PLCG2: variants seen among roughly 807,000 people sequenced by gnomAD.
The protein encoded by PLCG2 is 1-phosphatidylinositol 4,5-bisphosphate phosphodiesterase gamma-2.
PLCG2 carries 69 observed loss-of-function variants against 175.6 expected under a neutral mutation model. The observed-to-expected ratio is 0.39, with a 90% CI of 0.32 to 0.48. The LOEUF (loss-of-function observed/expected upper bound fraction) is 0.48, where lower values mean the gene tolerates loss of function less well. PLCG2 is among the 20% of genes least tolerant of loss of function. The probability of loss-of-function intolerance (pLI) is 0.91; values close to 1 mark genes in which losing one functional copy is unlikely to be tolerated. For synonymous variants in PLCG2, 827 were observed against 624.0 expected (o/e 1.33, Z -4.85); for missense variants, 1,798 against 1,650.9 (o/e 1.09, Z -1.54).
intron 2 of PLCG2, among the ~76,000 whole-genome samples, chr16:81,770,695 G>A (rs564594943): frequency 6.6e-6 from 1 of 152,036 alleles, no homozygotes; most frequent in Non-Finnish European, 1.5e-5. Flanking sequence ...CCTCCTGCTT[G>A]GGCTACAGAG....
chr16:81,874,717 C>T (rs74029289), intron 7 of PLCG2, among the ~76,000 whole-genome samples: 31,050 of 152,122 alleles, frequency 0.2, 3,761 homozygotes, highest in Non-Finnish European at 0.27. Context: ...TGGTTTCCAT[C>T]GTGAGCTTGC....
At chr16:81,762,033 A>T (rs1184777123) in intron 2 of PLCG2, among the ~76,000 whole-genome samples, 1 of 151,562 alleles carries the variant, frequency 6.6e-6, no homozygotes, top group Non-Finnish European at 1.5e-5. Flanking sequence ...GGGTTTCCCT[A>T]TGTGGTGGCT....
At chr16:81,778,855 C>T (rs1263539089), upstream of PLCG2, among the ~76,000 whole-genome samples, 1 of 152,198 alleles carries the variant, frequency 6.6e-6, no homozygotes, top group Non-Finnish European at 1.5e-5. Context: ...CTCTCGGCCA[C>T]ACCCATCCTA....
intron 27 of PLCG2, chr16:81,937,510 C>G (rs1664820748): frequency 2.6e-6 from 1 of 388,052 alleles, no homozygotes; most frequent in Admixed American, 4.2e-5. Flanking sequence ...TACATAGACA[C>G]TTTTAGCAAG....
intron 1 of PLCG2, among the ~76,000 whole-genome samples, chr16:81,743,167 A>G (rs1909631579): frequency 6.6e-6 from 1 of 152,058 alleles, no homozygotes; most frequent in Non-Finnish European, 1.5e-5. Context: ...AAAGGAAAGG[A>G]AAGAAGGAAG....
chr16:81,856,516 C>A (rs1052351800), intron 3 of PLCG2, among the ~76,000 whole-genome samples: 1 of 152,212 alleles, frequency 6.6e-6, no homozygotes, highest in Admixed American at 6.5e-5. Flanking sequence ...GCAAGCTCTA[C>A]TTGCTGTCCC....
At chr16:81,949,545 AATATTTTAG>A (rs1393933403) in intron 31 of PLCG2, among the ~76,000 whole-genome samples, 2 of 152,204 alleles carry the variant, frequency 1.3e-5, no homozygotes, top group Non-Finnish European at 2.9e-5. Context: ...CAAGGTATGC[AATATTTTAG>A]ATATATCATG....
chr16:81,916,151 GAATA>G (rs1001075656), intron 19 of PLCG2, among the ~76,000 whole-genome samples: 76 of 151,870 alleles, frequency 5.0e-4, no homozygotes, highest in African/African-American at 1.8e-3. Context: ...TTTTTAGAAG[GAATA>G]AATATTTAAT....
intron 2 of PLCG2, among the ~76,000 whole-genome samples, chr16:81,846,172 G>A (rs1044430168): frequency 3.9e-5 from 6 of 152,172 alleles, no homozygotes; most frequent in Non-Finnish European, 5.9e-5. Flanking sequence ...GAAGAAATCT[G>A]CATCACCTAG....
At chr16:81,877,319 A>G (rs996212940) in intron 7 of PLCG2, among the ~76,000 whole-genome samples, 25 of 152,164 alleles carry the variant, frequency 1.6e-4, no homozygotes, top group South Asian at 6.2e-4. Context: ...AGCTGGGCAT[A>G]GTGGCGGGTG....
intron 1 of PLCG2, among the ~76,000 whole-genome samples, chr16:81,752,914 G>C (rs1909841584): frequency 6.6e-6 from 1 of 152,248 alleles, no homozygotes; most frequent in South Asian, 2.1e-4. Flanking sequence ...CGGGGCTTTG[G>C]GCAGGCTGCT....
chr16:81,910,453 G>A, intron 17 of PLCG2, 67 bp from the exon 18 acceptor site: 2 of 1,422,426 alleles, frequency 1.4e-6, no homozygotes, highest in Non-Finnish European at 2.0e-6. Context: ...CCCCGCCTCT[G>A]AGGCCCTGGC....
intron 2 of PLCG2, among the ~76,000 whole-genome samples, chr16:81,758,922 C>A (rs1263308935): frequency 6.6e-6 from 1 of 152,224 alleles, no homozygotes; most frequent in Non-Finnish European, 1.5e-5. Flanking sequence ...AGGTGATCCA[C>A]CTGCCTCGGC....
chr16:81,808,030 C>T (rs777306583), intron 2 of PLCG2, among the ~76,000 whole-genome samples: 9 of 152,200 alleles, frequency 5.9e-5, no homozygotes, highest in South Asian at 2.1e-4. Flanking sequence ...GAGACTGCTG[C>T]GGAGACAGAT....
In PLCG2 at chr16:81,938,863, G is replaced by A. The variant is rs368071289; in HGVS notation, c.3261G>A (p.Val1087=). ...GTATTGCCTGTCCCTTTGTAGAAGT[G>A]GAGATCTGTGGAGCCGAGTATGACA... is the stretch of plus-strand genomic sequence containing the variant. ...GRSIACPFVE[V]EICGAEYDNN... is the part of the protein sequence containing the mutation. Residue 1087 remains valine (V), a synonymous_variant, in exon 29 of 33, where the codon GTG becomes GTA. Coordinates refer to ENST00000564138, the MANE Select transcript of PLCG2 (RefSeq NM_002661.5). 10 of 1,613,642 alleles carry A rather than the reference G, an allele frequency of 6.2e-6. No homozygotes were observed. Among genetic ancestry groups the A allele is most frequent in the South Asian group, 3.3e-5 (3 of 91,034 alleles).
intron 2 of PLCG2, among the ~76,000 whole-genome samples, chr16:81,794,576 C>G (rs1174379443): frequency 6.6e-6 from 1 of 152,120 alleles, no homozygotes; most frequent in East Asian, 1.9e-4. Flanking sequence ...GACCTTGGGT[C>G]TCTCATGTCA....
At chr16:81,814,572 G>C (rs1238444506) in intron 2 of PLCG2, among the ~76,000 whole-genome samples, 1 of 152,184 alleles carries the variant, frequency 6.6e-6, no homozygotes, top group South Asian at 2.1e-4. Context: ...GCATGTGCCT[G>C]TAATCCTAGC....
intron 14 of PLCG2, among the ~76,000 whole-genome samples, chr16:81,905,008 C>T (rs564527231): frequency 3.3e-5 from 5 of 152,336 alleles, no homozygotes; most frequent in African/African-American, 1.2e-4. Flanking sequence ...CTGTCTCAGC[C>T]TCCTGAGTAG....
intron 1 of PLCG2, among the ~76,000 whole-genome samples, chr16:81,752,601 G>A (rs1909834952): frequency 6.6e-6 from 1 of 152,176 alleles, no homozygotes; most frequent in Non-Finnish European, 1.5e-5. Context: ...CCAAAGGAGG[G>A]GCTGGGAGAG....
Sources: allele counts gnomAD v4.1 joint callset (sites outside exome capture counted in the v4.1 genomes callset), GRCh38; gene constraint gnomAD v4.1.1; transcripts MANE v1.5; gene names NCBI Gene and HGNC (gene_info 2026-07-23, HGNC 2026-07-21).